The following CNBD1 variants were observed in gnomAD, a reference collection of about 807,000 sequenced individuals.
CNBD1 encodes the protein cyclic nucleotide-binding domain-containing protein 1.
CNBD1 carries 71 observed loss-of-function variants against 54.4 expected under a neutral mutation model. That is an observed-to-expected ratio of 1.30 (90% CI 1.08 to 1.59). CNBD1 has a LOEUF of 1.59. Ranked by LOEUF, CNBD1 falls within the 40% of genes most tolerant of loss-of-function variation. CNBD1 has a pLI of 0.00. For missense variants in CNBD1, 659 were observed against 518.0 expected, an observed-to-expected ratio of 1.27 and a Z score of -2.64; for synonymous variants, 182 against 170.7, an observed-to-expected ratio of 1.07 and a Z score of -0.51.
intron 4 of CNBD1, among the ~76,000 whole-genome samples, chr8:87,187,190 A>ATATC (rs1309391356): frequency 1.6e-5 from 2 of 125,472 alleles, no homozygotes; most frequent in African/African-American, 5.0e-5. Flanking sequence ...ATCTCAATAT[A>ATATC]TATCTGCACA....
At chr8:87,058,506 T>G (rs1810473098) in intron 4 of CNBD1, among the ~76,000 whole-genome samples, 1 of 152,204 alleles carries the variant, frequency 6.6e-6, no homozygotes, top group African/African-American at 2.4e-5. Context: ...TAATTCTGCC[T>G]GGACATCCAG....
intron 4 of CNBD1, among the ~76,000 whole-genome samples, chr8:87,146,242 A>G (rs1212073458): frequency 2.6e-5 from 4 of 152,150 alleles, no homozygotes; most frequent in Non-Finnish European, 2.9e-5. Flanking sequence ...AAATTATAAT[A>G]TATTTGCATA....
chr8:86,928,410 C>A (rs898718371), intron 3 of CNBD1, among the ~76,000 whole-genome samples: 1 of 152,138 alleles, frequency 6.6e-6, no homozygotes, highest in Non-Finnish European at 1.5e-5. Context: ...CCTTGACCTT[C>A]CCTGAGGATT....
chr8:87,225,635 G>C (rs550402555), intron 5 of CNBD1, among the ~76,000 whole-genome samples: 1 of 152,052 alleles, frequency 6.6e-6, no homozygotes, highest in Admixed American at 6.6e-5. Flanking sequence ...TGCTGGATTC[G>C]GTTTGCCAGT....
intron 8 of CNBD1, among the ~76,000 whole-genome samples, chr8:87,337,521 C>T (rs535692895): frequency 2.0e-5 from 3 of 152,242 alleles, no homozygotes; most frequent in African/African-American, 7.2e-5. Flanking sequence ...ATTCCCTCCC[C>T]CTGGCTTAGG....
chr8:87,338,314 T>G (rs1366127898), intron 8 of CNBD1, among the ~76,000 whole-genome samples: 1 of 152,154 alleles, frequency 6.6e-6, no homozygotes, highest in East Asian at 1.9e-4. Flanking sequence ...TTTTATATCA[T>G]TTTCCTTTTC....
chr8:87,178,673 A>T (rs1813248080), intron 4 of CNBD1, among the ~76,000 whole-genome samples: 1 of 152,198 alleles, frequency 6.6e-6, no homozygotes, highest in African/African-American at 2.4e-5. Context: ...TATTTAAGAG[A>T]GTACTACATT....
intron 6 of CNBD1, among the ~76,000 whole-genome samples, chr8:87,262,907 T>C (rs1383221841): frequency 1.3e-5 from 2 of 152,150 alleles, no homozygotes; most frequent in African/African-American, 4.8e-5. Context: ...TTGGAGATAA[T>C]GATGATGGAG....
At chr8:87,407,790 A>G (rs1269117109) in intron 2 of CNBD1, among the ~76,000 whole-genome samples, 3 of 151,968 alleles carry the variant, frequency 2.0e-5, no homozygotes, top group Non-Finnish European at 4.4e-5. Context: ...TGTATTATGG[A>G]TATCCTCTTG....
At chr8:86,987,490 T>C (rs1267810351) in intron 4 of CNBD1, among the ~76,000 whole-genome samples, 1 of 152,144 alleles carries the variant, frequency 6.6e-6, no homozygotes, top group African/African-American at 2.4e-5. Context: ...AGGTGCATAT[T>C]ATTTCTTTCT....
At chr8:87,050,546 G>A (rs1810290284) in intron 4 of CNBD1, among the ~76,000 whole-genome samples, 2 of 152,214 alleles carry the variant, frequency 1.3e-5, no homozygotes, top group Non-Finnish European at 2.9e-5. Context: ...CCTTGAGGCA[G>A]CACTGTCCAG....
At chr8:87,250,222 A>G (rs1338531613) in intron 6 of CNBD1, among the ~76,000 whole-genome samples, 1 of 152,204 alleles carries the variant, frequency 6.6e-6, no homozygotes, top group Admixed American at 6.5e-5. Context: ...TATATGAAAG[A>G]ATGCTCAACA....
At chr8:87,049,996 C>T (rs1810279270) in intron 4 of CNBD1, among the ~76,000 whole-genome samples, 1 of 152,148 alleles carries the variant, frequency 6.6e-6, no homozygotes, top group Non-Finnish European at 1.5e-5. Context: ...CCTTCTGAGA[C>T]ATAAGGATTG....
intron 4 of CNBD1, among the ~76,000 whole-genome samples, chr8:87,134,252 GTT>G (rs1812179586): frequency 6.6e-6 from 1 of 152,098 alleles, no homozygotes; most frequent in East Asian, 1.9e-4. Context: ...ATGCACAATA[GTT>G]AACATGGATA....
At chr8:86,914,550 A>G (rs1042385711) in intron 3 of CNBD1, among the ~76,000 whole-genome samples, 3 of 152,236 alleles carry the variant, frequency 2.0e-5, no homozygotes, top group African/African-American at 4.8e-5. Flanking sequence ...AAGTATCCCT[A>G]TCATTAGTCA....
At chr8:87,141,511 G>T (rs16897137) in intron 4 of CNBD1, among the ~76,000 whole-genome samples, 5,567 of 152,066 alleles carry the variant, frequency 0.037, 339 homozygotes, top group African/African-American at 0.12. Flanking sequence ...GGCAATGTCC[G>T]TTTAAGACAG....
chr8:87,096,057 C>T (rs1007543722), intron 4 of CNBD1, among the ~76,000 whole-genome samples: 6 of 152,162 alleles, frequency 3.9e-5, no homozygotes, highest in Non-Finnish European at 8.8e-5. Context: ...CATTCTCTGC[C>T]CCTGGAATCA....
chr8:87,064,668 C>T (rs927488054), intron 4 of CNBD1, among the ~76,000 whole-genome samples: 2 of 151,704 alleles, frequency 1.3e-5, no homozygotes, highest in African/African-American at 4.8e-5. Context: ...TTCTAGTAAC[C>T]CACCTTCCTA....
intron 6 of CNBD1, among the ~76,000 whole-genome samples, chr8:87,270,078 A>G (rs758270029): frequency 6.6e-6 from 1 of 152,004 alleles, no homozygotes; most frequent in Non-Finnish European, 1.5e-5. Context: ...CTAGGCTTTT[A>G]TTCCTGGGGT....
Sources: allele counts gnomAD v4.1 joint callset (sites outside exome capture counted in the v4.1 genomes callset), GRCh38; gene constraint gnomAD v4.1.1; transcripts MANE v1.5; gene names NCBI Gene and HGNC (gene_info 2026-07-23, HGNC 2026-07-21).